Variants in GRIN2A observed in about 807,000 individuals in gnomAD.
GRIN2A encodes the protein glutamate ionotropic receptor NMDA type subunit 2A.
GRIN2A carries 22 observed loss-of-function variants against 113.4 expected under a neutral mutation model. That is an observed-to-expected ratio of 0.19 (90% CI 0.14 to 0.28). The LOEUF is 0.28. GRIN2A is among the 10% of genes least tolerant of loss of function. The probability of loss-of-function intolerance (pLI) is 1.00; values close to 1 mark genes in which losing one functional copy is unlikely to be tolerated. For missense variants in GRIN2A, 1,502 were observed against 1,887.0 expected (o/e 0.80, Z 3.78); for synonymous variants, 827 against 738.4 (o/e 1.12, Z -1.94).
intron 2 of GRIN2A, among the ~76,000 whole-genome samples, chr16:10,022,995 C>G (rs1266537091): frequency 6.6e-6 from 1 of 152,166 alleles, no homozygotes; most frequent in East Asian, 1.9e-4. Flanking sequence ...ACACAGGAAT[C>G]TAAAGGAGAA....
At chr16:10,044,007 G>GTATA (rs368522556) in intron 2 of GRIN2A, among the ~76,000 whole-genome samples, 3,333 of 116,336 alleles carry the variant, frequency 0.029, 57 homozygotes, top group Non-Finnish European at 0.039. Flanking sequence ...GTGTGTGTGT[G>GTATA]TATATATATA....
rs367811898 is a variant in GRIN2A, at chr16:10,114,015, T to TA, written c.414+65982dup. On this transcript the variant is annotated intron_variant, in intron 2 of 12. Coordinates refer to ENST00000330684, the MANE Select transcript of GRIN2A (RefSeq NM_001134407.3). ...CCTGGATAACAAAGACCCTCGTTCTTAAAAAAAAAAGAAAAAAAAAGATTT... is the reference window on the plus strand; with the variant it reads ...CCTGGATAACAAAGACCCTCGTTCTTAAAAAAAAAAAGAAAAAAAAAGATTT... 1.9e-3 allele frequency among the ~76,000 whole-genome samples: 282 copies of TA among 145,596 alleles called. 1 individual carries two copies. Among genetic ancestry groups the TA allele is most frequent in the South Asian group, 6.0e-3 (27 of 4,536 alleles).
At chr16:10,030,441 AC>A (rs2046907599) in intron 2 of GRIN2A, among the ~76,000 whole-genome samples, 1 of 152,012 alleles carries the variant, frequency 6.6e-6, no homozygotes, top group Non-Finnish European at 1.5e-5. Context: ...CTCAGACTTC[AC>A]CCCTGCTATG....
chr16:10,077,443 C>T (rs1467787284), intron 2 of GRIN2A, among the ~76,000 whole-genome samples: 1 of 152,186 alleles, frequency 6.6e-6, no homozygotes, highest in Non-Finnish European at 1.5e-5. Context: ...CATCAGTAAA[C>T]CCAGTACATC....
intron 4 of GRIN2A, among the ~76,000 whole-genome samples, chr16:9,870,804 A>AT (rs1161295738): frequency 3.3e-5 from 5 of 151,698 alleles, no homozygotes; most frequent in African/African-American, 1.2e-4. Context: ...TGCCTGGCTA[A>AT]TTTTTTGTAT....
chr16:9,988,652 A>G (rs1334874213), intron 2 of GRIN2A, among the ~76,000 whole-genome samples: 1 of 152,168 alleles, frequency 6.6e-6, no homozygotes, highest in Non-Finnish European at 1.5e-5. Flanking sequence ...CTTAAACAAT[A>G]TCATCTTCAC....
chr16:9,793,703 C>A (rs564472819), intron 11 of GRIN2A, among the ~76,000 whole-genome samples: 2 of 152,136 alleles, frequency 1.3e-5, no homozygotes, highest in South Asian at 4.1e-4. Flanking sequence ...AGTTATGTCT[C>A]GTATTTCTCC....
intron 2 of GRIN2A, among the ~76,000 whole-genome samples, chr16:10,148,901 A>T (rs1158349112): frequency 6.6e-6 from 1 of 152,232 alleles, no homozygotes; most frequent in Non-Finnish European, 1.5e-5. Flanking sequence ...AAAGAATAAG[A>T]TCCTGTCATT....
intron 2 of GRIN2A, among the ~76,000 whole-genome samples, chr16:10,036,682 G>A (rs933141490): frequency 3.3e-5 from 5 of 151,176 alleles, no homozygotes; most frequent in Non-Finnish European, 7.4e-5. Context: ...TCCTGACCTC[G>A]TGATCCGCCC....
intron 10 of GRIN2A, among the ~76,000 whole-genome samples, chr16:9,818,339 A>T (rs2042222241): frequency 6.6e-6 from 1 of 152,118 alleles, no homozygotes. Context: ...GAAAAATTCC[A>T]AATATTAAAA....
intron 3 of GRIN2A, 72 bp downstream of exon 3, chr16:9,937,887 T>C: frequency 9.6e-7 from 1 of 1,037,990 alleles, no homozygotes; most frequent in Non-Finnish European, 1.5e-6. Context: ...CAACAATGAG[T>C]ATGTAAGCAA....
chr16:10,010,609 G>T (rs1405414816), intron 2 of GRIN2A, among the ~76,000 whole-genome samples: 1 of 152,064 alleles, frequency 6.6e-6, no homozygotes, highest in Non-Finnish European at 1.5e-5. Context: ...TACTTCATAG[G>T]TTCATAAATG....
intron 2 of GRIN2A, among the ~76,000 whole-genome samples, chr16:9,994,160 G>T (rs138800825): frequency 2.6e-5 from 4 of 152,258 alleles, no homozygotes; most frequent in Non-Finnish European, 5.9e-5. Context: ...AAAATGGAAT[G>T]AATGATCTAG....
At chr16:9,963,097 A>AACATCAC (rs2045475358) in intron 2 of GRIN2A, among the ~76,000 whole-genome samples, 1 of 134,108 alleles carries the variant, frequency 7.5e-6, no homozygotes, top group African/African-American at 2.8e-5. Context: ...CAGGAAAGGG[A>AACATCAC]ACATCACACA....
At chr16:9,912,181 A>C (rs921284232) in intron 3 of GRIN2A, among the ~76,000 whole-genome samples, 2 of 152,118 alleles carry the variant, frequency 1.3e-5, no homozygotes, top group African/African-American at 2.4e-5. Flanking sequence ...AATGGGGAAA[A>C]AAAGGAAGAA....
Position 9,937,348 on chromosome 16 carries a change from C to T in GRIN2A, c.1007+611G>A, listed in dbSNP as rs57834668. On this transcript the variant is annotated intron_variant, in intron 3 of 12. Transcript: ENST00000330684. ...ATAATAAATGACTTGTGTATTTTAA[C>T]ATAAAGAATATAATTGAATTGTTTG... 1.1e-3 allele frequency among the ~76,000 whole-genome samples: 169 copies of T among 152,054 alleles called. 5 individuals carry two copies. The East Asian group carries it at 0.027, about 24-fold the overall frequency.
intron 2 of GRIN2A, among the ~76,000 whole-genome samples, chr16:10,146,946 C>A (rs1343083150): frequency 6.6e-6 from 1 of 152,080 alleles, no homozygotes; most frequent in Non-Finnish European, 1.5e-5. Flanking sequence ...CAATCCTCTC[C>A]AGTGCAATTG....
In GRIN2A at chr16:10,170,359, C is replaced by T. The variant is rs140187710; in HGVS notation, c.414+9639G>A. Reference sequence around the variant, plus strand: ...CTATTGAGAGAGGTTGGTCAAAAGGCACCAACTTCCACTTGTAAGGTAAAT... The same window carrying T: ...CTATTGAGAGAGGTTGGTCAAAAGGTACCAACTTCCACTTGTAAGGTAAAT... On this transcript the variant is annotated intron_variant, in intron 2 of 12. Transcript: ENST00000330684. 4.6e-5 allele frequency among the ~76,000 whole-genome samples: 7 copies of T among 152,270 alleles called. No individual in the cohort carries two copies. In the East Asian group the frequency reaches 9.6e-4, roughly 21 times the overall value.
At position 9,758,920 on chromosome 16, in the gene GRIN2A, C is replaced by A. The variant is rs780459382; in HGVS notation, c.*4229G>T. The A allele has an allele frequency of 7.1e-4, 157 of 220,762 alleles. 1 individual carries two copies. The highest frequency in any genetic ancestry group is 1.2e-3 in the Non-Finnish European group (131 of 110,300). The allele number at this position is 220,762 out of a possible 1,614,324, so 13.7% of individuals were successfully genotyped here. The stretch of plus-strand genomic sequence containing the variant: ...AAGGAAAATTGCCTTTACATAGAAC[C>A]CTTCACTCATTAAATATCAAGCAAC... On this transcript the variant is annotated 3_prime_UTR_variant, in exon 13 of 13. Transcript: ENST00000330684.
Sources: allele counts gnomAD v4.1 joint callset (sites outside exome capture counted in the v4.1 genomes callset), GRCh38; gene constraint gnomAD v4.1.1; transcripts MANE v1.5; gene names NCBI Gene and HGNC (gene_info 2026-07-23, HGNC 2026-07-21).